The following GALNT16 variants were observed in gnomAD, a reference collection of about 807,000 sequenced individuals.
The protein encoded by GALNT16 is polypeptide N-acetylgalactosaminyltransferase 16, also known as UDP-GalNAc:polypeptide N-acetylgalactosaminyltransferase-like protein 1.
A neutral mutation model predicts 76.1 loss-of-function variants in GALNT16; 40 were observed. The observed-to-expected ratio is 0.53, with a 90% confidence interval of 0.41 to 0.68. The LOEUF (loss-of-function observed/expected upper bound fraction) is 0.68. Among genes scored for constraint, GALNT16 ranks in the 30% least tolerant of loss-of-function variants. GALNT16 has a pLI of 0.00. For synonymous variants in GALNT16, 276 were observed against 285.2 expected (o/e 0.97, Z 0.32); for missense variants, 621 against 731.9 (o/e 0.85, Z 1.75).
At chr14:69,346,990 G>A in intron 12 of GALNT16, 50 bp from the exon 13 acceptor site, 1 of 1,612,020 alleles carries the variant, frequency 6.2e-7, no homozygotes, top group Non-Finnish European at 8.5e-7. Flanking sequence ...GAGGGTGTAG[G>A]TAAGCCTTGG....
intron 11 of GALNT16, 151 bp from the exon 12 acceptor site, chr14:69,341,530 T>C: frequency 1.6e-6 from 1 of 618,344 alleles, no homozygotes; most frequent in Non-Finnish European, 2.9e-6. Flanking sequence ...TAACATCAGA[T>C]AAGTGGCCAG....
intron 14 of GALNT16, 45 bp downstream of exon 14, chr14:69,348,047 G>A (rs1459512652): frequency 8.1e-6 from 13 of 1,607,272 alleles, no homozygotes; most frequent in Non-Finnish European, 1.0e-5. Flanking sequence ...AGCCCGAGGG[G>A]CCATGCCTCA....
downstream of GALNT16, chr14:69,355,061 C>T (rs2045683118): frequency 6.6e-6 from 1 of 152,232 alleles, no homozygotes; most frequent in African/African-American, 2.4e-5. Flanking sequence ...ATGGAAAACC[C>T]CCACCATGTC....
At chr14:69,356,685 A>G (rs1454079123), downstream of GALNT16, 2 of 150,790 alleles carry the variant, frequency 1.3e-5, no homozygotes, top group African/African-American at 2.5e-5. Context: ...CCTCCCGAGT[A>G]GCTGGGACTA....
At chr14:69,289,873 A>C (rs1052843651) in intron 1 of GALNT16, among the ~76,000 whole-genome samples, 3 of 151,988 alleles carry the variant, frequency 2.0e-5, no homozygotes, top group African/African-American at 4.8e-5. Context: ...AGCTGGGACT[A>C]CAGGTGCCCG....
At position 69,339,638 on chromosome 14, in the gene GALNT16, A is replaced by G. The variant is rs1219012992; in HGVS notation, c.1187+19A>G. On this transcript the variant is annotated intron_variant, in intron 11 of 14. Transcript: ENST00000448469. ...TCGGCAGGTGGGCCCCCCCAGCTCC[A>G]CTGTCTGACTCCCTCTACCCACATT... 3 of 1,469,332 alleles carry G rather than the reference A, an allele frequency of 2.0e-6. No homozygotes were observed. Among genetic ancestry groups the G allele is most frequent in the African/African-American group, 2.8e-5 (2 of 72,214 alleles). 91.0% of individuals were successfully genotyped at this position (1,469,332 alleles called of 1,614,324 possible).
At chr14:69,279,480 T>C (rs867505503) in intron 1 of GALNT16, among the ~76,000 whole-genome samples, 17 of 152,184 alleles carry the variant, frequency 1.1e-4, no homozygotes, top group African/African-American at 3.9e-4. Flanking sequence ...GTGTGTTCAA[T>C]AAATGTTATG....
chr14:69,380,668 T>A, the GALNT16 span: 1 of 1,325,726 alleles, frequency 7.5e-7, no homozygotes, highest in South Asian at 1.2e-5. Context: ...ATAAGCAAAG[T>A]CACAGTGGTC....
chr14:69,309,195 GA>G (rs1170850091), intron 1 of GALNT16, among the ~76,000 whole-genome samples: 1 of 152,004 alleles, frequency 6.6e-6, no homozygotes, highest in Non-Finnish European at 1.5e-5. Flanking sequence ...CCAGATGGAA[GA>G]AATGCATAAG....
intron 7 of GALNT16, among the ~76,000 whole-genome samples, chr14:69,332,827 T>TTC (rs66502138): frequency 0.012 from 372 of 29,762 alleles, no homozygotes; most frequent in Non-Finnish European, 0.019. Context: ...TGTTTTCTTC[T>TTC]TTTTTTTTTT....
intron 9 of GALNT16, among the ~76,000 whole-genome samples, chr14:69,336,359 G>A (rs936187131): frequency 6.6e-5 from 10 of 152,104 alleles, no homozygotes; most frequent in South Asian, 2.1e-4. Context: ...TGATCCACCC[G>A]CCTCAGCCTC....
Position 69,339,537 on chromosome 14 carries a change from C to T in GALNT16, c.1105C>T (p.Arg369Cys), listed in dbSNP as rs754879999. 13 of 1,605,948 alleles carry T rather than the reference C, an allele frequency of 8.1e-6. No individual in the cohort carries two copies. Among genetic ancestry groups the T allele is most frequent in the South Asian group, 3.3e-5 (3 of 90,950 alleles). ...NALTYIRNTK[R>C]TAEVWMDEYK... is the part of the protein sequence containing the mutation. ...TTCCTCTCCTTTTAGGAATACTAAG[C>T]GCACTGCAGAAGTGTGGATGGATGA... Residue 369 changes from arginine (R) to cysteine (C), a missense_variant, in exon 11 of 15, where the codon CGC becomes TGC. Physicochemically the swap from Arg to Cys is radical, Grantham distance 180. Coordinates refer to ENST00000448469, the MANE Select transcript of GALNT16 (RefSeq NM_001168368.2).
At chr14:69,330,035 C>T (rs1213932534) in intron 6 of GALNT16, among the ~76,000 whole-genome samples, 4 of 152,096 alleles carry the variant, frequency 2.6e-5, no homozygotes, top group East Asian at 1.9e-4. Flanking sequence ...GGCAGTTCTG[C>T]GAAAGTTTGA....
chr14:69,372,369 G>A, the GALNT16 span, among the ~76,000 whole-genome samples: 1 of 151,852 alleles, frequency 6.6e-6, no homozygotes, highest in African/African-American at 2.4e-5. Context: ...TATACAAACT[G>A]TGGAATCCCA....
chr14:69,328,663 G>T, intron 6 of GALNT16, 92 bp downstream of exon 6: 2 of 1,369,626 alleles, frequency 1.5e-6, no homozygotes, highest in South Asian at 1.4e-5. Flanking sequence ...TTTGAAGCTG[G>T]GCAGGCATCG....
chr14:69,272,185 AC>A (rs2044414503), intron 1 of GALNT16, among the ~76,000 whole-genome samples: 1 of 151,778 alleles, frequency 6.6e-6, no homozygotes, highest in Admixed American at 6.6e-5. Flanking sequence ...ACATGGTGAA[AC>A]CCCATCTCTA....
chr14:69,385,899 T>C, the GALNT16 span, among the ~76,000 whole-genome samples: 1 of 152,178 alleles, frequency 6.6e-6, no homozygotes, highest in East Asian at 1.9e-4. Flanking sequence ...TCCCTGCTCC[T>C]CCAATCTCCT....
the GALNT16 span, among the ~76,000 whole-genome samples, chr14:69,367,022 T>C: frequency 1.3e-5 from 2 of 152,010 alleles, no homozygotes; most frequent in African/African-American, 2.4e-5. Flanking sequence ...GGTTAAAGTG[T>C]ATGAGCCTTG....
intron 1 of GALNT16, among the ~76,000 whole-genome samples, chr14:69,286,304 C>CT (rs35362251): frequency 0.42 from 59,790 of 142,030 alleles, 13,287 homozygotes; most frequent in East Asian, 0.87. Context: ...TCCAAAGGCA[C>CT]TTTTTTTTTT....
Sources: allele counts gnomAD v4.1 joint callset (sites outside exome capture counted in the v4.1 genomes callset), GRCh38; gene constraint gnomAD v4.1.1; transcripts MANE v1.5; gene names NCBI Gene and HGNC (gene_info 2026-07-23, HGNC 2026-07-21).